Variants in SORCS3 observed in about 807,000 individuals in gnomAD.
SORCS3 encodes VPS10 domain-containing receptor SorCS3.
In SORCS3, 57 loss-of-function variants were observed where a neutral mutation model predicts 146.3. The ratio of observed to expected loss-of-function variants is 0.39; its 90% CI spans 0.31 to 0.49. The LOEUF (loss-of-function observed/expected upper bound fraction) is 0.49. SORCS3 is among the 20% of genes least tolerant of loss of function. SORCS3 has a pLI of 0.92. For synonymous variants in SORCS3, 653 were observed against 618.5 expected (o/e 1.06, Z -0.83); for missense variants, 1,341 against 1,575.5 (o/e 0.85, Z 2.52).
chr10:104,797,523 A>G (rs1014266541), intron 1 of SORCS3, among the ~76,000 whole-genome samples: 1 of 151,866 alleles, frequency 6.6e-6, no homozygotes, highest in African/African-American at 2.4e-5. Flanking sequence ...TTTAAAAGAG[A>G]CAGTTCATAA....
intron 5 of SORCS3, among the ~76,000 whole-genome samples, chr10:105,070,373 T>C (rs2055548882): frequency 6.6e-6 from 1 of 152,236 alleles, no homozygotes; most frequent in Non-Finnish European, 1.5e-5. Context: ...TCTGATTTTA[T>C]ACCACCTCGG....
At chr10:104,975,765 C>T (rs1221453412) in intron 3 of SORCS3, among the ~76,000 whole-genome samples, 3 of 152,154 alleles carry the variant, frequency 2.0e-5, no homozygotes, top group Non-Finnish European at 4.4e-5. Flanking sequence ...CACATATCTA[C>T]AACTATCTGA....
chr10:104,939,486 G>A (rs1023100988), intron 3 of SORCS3, among the ~76,000 whole-genome samples: 1 of 151,984 alleles, frequency 6.6e-6, no homozygotes, highest in African/African-American at 2.4e-5. Flanking sequence ...GCACTCCAGA[G>A]TGAATTCCCG....
At chr10:104,789,709 A>C (rs2017475071) in intron 1 of SORCS3, among the ~76,000 whole-genome samples, 1 of 152,136 alleles carries the variant, frequency 6.6e-6, no homozygotes, top group East Asian at 1.9e-4. Flanking sequence ...CAGAAAAAAA[A>C]CTTGATATGC....
chr10:104,819,264 G>T (rs960054484), intron 1 of SORCS3, among the ~76,000 whole-genome samples: 1 of 152,282 alleles, frequency 6.6e-6, no homozygotes, highest in African/African-American at 2.4e-5. Flanking sequence ...ATAGGGACCA[G>T]GGTCTGTGTT....
At chr10:105,057,672 G>T (rs2055454515) in intron 5 of SORCS3, among the ~76,000 whole-genome samples, 1 of 152,152 alleles carries the variant, frequency 6.6e-6, no homozygotes, top group East Asian at 1.9e-4. Flanking sequence ...GTGGCGAATG[G>T]CACTGAGGAT....
chr10:105,115,626 GTT>G (rs1232255318), intron 7 of SORCS3, among the ~76,000 whole-genome samples: 1 of 152,088 alleles, frequency 6.6e-6, no homozygotes, highest in Admixed American at 6.6e-5. Flanking sequence ...TTTCAAGACT[GTT>G]TTTGCATCTT....
intron 3 of SORCS3, among the ~76,000 whole-genome samples, chr10:104,923,114 C>G (rs1454571435): frequency 6.6e-6 from 1 of 152,176 alleles, no homozygotes; most frequent in Non-Finnish European, 1.5e-5. Flanking sequence ...TTTCATTTCT[C>G]TATTTGTATA....
intron 3 of SORCS3, among the ~76,000 whole-genome samples, chr10:104,946,654 A>T (rs2019374094): frequency 6.6e-6 from 1 of 152,074 alleles, no homozygotes; most frequent in Non-Finnish European, 1.5e-5. Context: ...AGCTGCTTCC[A>T]CTGGCAGAGC....
rs369514230 is a variant in SORCS3, at chr10:105,084,669, A to T, written c.1029-5106A>T. Among the ~76,000 whole-genome samples, 11 of 151,670 alleles carry T rather than the reference A, an allele frequency of 7.3e-5. No homozygotes were observed. In the East Asian group the frequency reaches 1.6e-3, roughly 21 times the overall value. ...GAATGCCTATTTGTGCTGCCTTGTTACTAGGGGAGGCGCAGAGTGCAAGCA... is the reference window on the plus strand; with the variant it reads ...GAATGCCTATTTGTGCTGCCTTGTTTCTAGGGGAGGCGCAGAGTGCAAGCA... On this transcript the variant is annotated intron_variant, in intron 5 of 26. Coordinates refer to ENST00000369701, the MANE Select transcript of SORCS3 (RefSeq NM_014978.3).
intron 3 of SORCS3, among the ~76,000 whole-genome samples, chr10:104,961,293 A>G (rs2054793908): frequency 6.6e-6 from 1 of 152,160 alleles, no homozygotes; most frequent in Non-Finnish European, 1.5e-5. Context: ...TGCCTGTGAC[A>G]ACATTGTGCC....
At position 105,143,590 on chromosome 10, in the gene SORCS3, C is replaced by G. The variant is rs117816952; in HGVS notation, c.1303-4027C>G. On this transcript the variant is annotated intron_variant, in intron 8 of 26. Transcript: ENST00000369701. ...TCTTCAATAGTCTTTTGTTGGATGT[C>G]TACCATGTGCCAGATACTCTGGTGA... 8.1e-3 allele frequency among the ~76,000 whole-genome samples: 1,236 copies of G among 152,286 alleles called. 7 individuals carry two copies. Among genetic ancestry groups the G allele is most frequent in the Non-Finnish European group, 0.013 (867 of 68,024 alleles).
At chr10:105,002,046 C>G (rs2055065468) in intron 4 of SORCS3, among the ~76,000 whole-genome samples, 1 of 152,084 alleles carries the variant, frequency 6.6e-6, no homozygotes, top group Non-Finnish European at 1.5e-5. Context: ...ATGTGACTGC[C>G]AAAATCAAAA....
chr10:105,218,386 T>A (rs566903448), intron 19 of SORCS3, among the ~76,000 whole-genome samples: 154 of 152,316 alleles, frequency 1.0e-3, no homozygotes, highest in South Asian at 7.9e-3. Context: ...AACAAAAATT[T>A]GTTGAAGTCT....
At position 105,105,379 on chromosome 10, in the gene SORCS3, T is replaced by C. The variant is rs1417209518; in HGVS notation, c.1094-18T>C. 6.4e-7 allele frequency: 1 copy of C among 1,557,126 alleles called. No individual in the cohort carries two copies. Among genetic ancestry groups the C allele is most frequent in the East Asian group, 2.2e-5 (1 of 44,554 alleles). On this transcript the variant is annotated intron_variant, in intron 6 of 26. Coordinates refer to ENST00000369701, the MANE Select transcript of SORCS3 (RefSeq NM_014978.3). ...ATTTTCACTTGTATCTAAGCATCAC[T>C]CTACCCTCCTGTTTCAGATGCTCAC... is the stretch of plus-strand genomic sequence containing the variant.
intron 2 of SORCS3, among the ~76,000 whole-genome samples, chr10:104,852,556 T>C (rs945759520): frequency 2.6e-5 from 4 of 152,200 alleles, no homozygotes; most frequent in African/African-American, 7.2e-5. Flanking sequence ...TATGAACTTA[T>C]AGTTTTAAAG....
At chr10:104,685,482 G>C (rs1298269394) in intron 1 of SORCS3, among the ~76,000 whole-genome samples, 3 of 152,214 alleles carry the variant, frequency 2.0e-5, no homozygotes, top group East Asian at 1.9e-4. Context: ...GGCAGCAGCT[G>C]CAAAGGTTGC....
chr10:104,711,049 T>TC (rs2016409589), intron 1 of SORCS3, among the ~76,000 whole-genome samples: 1 of 152,254 alleles, frequency 6.6e-6, no homozygotes, highest in Non-Finnish European at 1.5e-5. Context: ...CACTTTGGTA[T>TC]GCAAGTCCCT....
intron 2 of SORCS3, among the ~76,000 whole-genome samples, chr10:104,893,037 A>G (rs1489151126): frequency 6.6e-6 from 1 of 152,132 alleles, no homozygotes; most frequent in Non-Finnish European, 1.5e-5. Context: ...TTTTAGAAGG[A>G]GCTACCCTCT....
Sources: gnomAD v4.1 joint callset for allele counts (sites outside exome capture counted in the v4.1 genomes callset) on GRCh38, gnomAD v4.1.1 for gene constraint, MANE v1.5 for transcripts, NCBI Gene and HGNC (gene_info 2026-07-23, HGNC 2026-07-21) for gene names.